Variants in GUCY2F observed in about 807,000 individuals in gnomAD.
GUCY2F encodes retinal guanylyl cyclase 2.
Under a neutral mutation model 73.1 loss-of-function variants are expected in GUCY2F, and 61 were observed. The ratio of observed to expected loss-of-function variants is 0.83; its 90% CI spans 0.68 to 1.03. GUCY2F has a LOEUF of 1.03. Among genes scored for constraint, GUCY2F ranks in the 50% least tolerant of loss-of-function variants. The pLI is 0.00. For synonymous variants in GUCY2F, 331 were observed against 307.8 expected, an observed-to-expected ratio of 1.08 and a Z score of -0.79; for missense variants, 912 against 854.3, an observed-to-expected ratio of 1.07 and a Z score of -0.84.
intron 9 of GUCY2F, among the ~76,000 whole-genome samples, chrX:109,405,310 AG>A (rs1930946724): frequency 8.9e-6 from 1 of 112,005 alleles, no homozygotes; most frequent in South Asian, 3.7e-4. Context: ...ATGAAGAAAG[AG>A]GGTTGAGTAA....
At chrX:109,386,461 G>A (rs1167760173) in intron 15 of GUCY2F, among the ~76,000 whole-genome samples, 1 of 111,650 alleles carries the variant, frequency 9.0e-6, no homozygotes. Flanking sequence ...AGCTCTTAGA[G>A]AGAACAGTCT....
intron 2 of GUCY2F, among the ~76,000 whole-genome samples, chrX:109,472,268 G>GA (rs780268734): frequency 0.026 from 2,359 of 89,760 alleles, 52 homozygotes; most frequent in African/African-American, 0.079. Context: ...AACAGATCAG[G>GA]AAAAAAAAAA....
At position 109,475,744 on chromosome X, in the gene GUCY2F, A is replaced by C; in HGVS notation, c.193T>G (p.Ser65Ala). The change falls in exon 2 of 20, where the codon TCG becomes GCG. Residue 65 changes from serine to alanine, a missense_variant. By Grantham distance (99) the Ser-to-Ala change is moderately conservative. Transcript: ENST00000218006. ...TCAGGCAGGGCCTTTGAAAACAGCG[A>C]ATCACAAGCCCAAGGGCCCACCACC... ...IGVVGPWACD[S>A]LFSKALPEVA... 8.3e-7 allele frequency: 1 copy of C among 1,211,157 alleles called. No individual in the cohort carries two copies. Among genetic ancestry groups the C allele is most frequent in the Non-Finnish European group, 1.1e-6 (1 of 894,946 alleles).
Position 109,376,087 on chromosome X carries a change from G to A in GUCY2F, c.3231C>T (p.Asp1077=), listed in dbSNP as rs1217284109. The change falls in exon 18 of 20, where the codon GAC becomes GAT. Residue 1077 remains aspartate, a synonymous_variant. Transcript: ENST00000218006. ...MKPLPVPPPV[D]KDGQVGHGLQ... Reference sequence around the variant, plus strand: ...ATGTGAACTCCACTTACCCATCTTTGTCCACTGGTGGGGGCACAGGAAGGG... The same window carrying A: ...ATGTGAACTCCACTTACCCATCTTTATCCACTGGTGGGGGCACAGGAAGGG... 84 of 1,194,341 alleles carry A rather than the reference G, an allele frequency of 7.0e-5. No homozygotes were observed. Among genetic ancestry groups the A allele is most frequent in the Non-Finnish European group, 9.5e-5 (84 of 880,645 alleles).
At chrX:109,402,360 A>C (rs1930861389) in intron 10 of GUCY2F, among the ~76,000 whole-genome samples, 1 of 107,241 alleles carries the variant, frequency 9.3e-6, no homozygotes, top group Admixed American at 9.8e-5. Context: ...TGGAACTCTG[A>C]GAAGCTAGGC....
chrX:109,376,477 A>C (rs1930184331), intron 17 of GUCY2F, among the ~76,000 whole-genome samples: 1 of 112,340 alleles, frequency 8.9e-6, no homozygotes, highest in East Asian at 2.8e-4. Flanking sequence ...GCATTAGGTA[A>C]GCCATTGTCT....
At chrX:109,435,738 C>A (rs929140898) in intron 7 of GUCY2F, among the ~76,000 whole-genome samples, 1 of 111,562 alleles carries the variant, frequency 9.0e-6, no homozygotes, top group Non-Finnish European at 1.9e-5. Flanking sequence ...AGTTTTTGCC[C>A]ATTCAGTATG....
intron 14 of GUCY2F, 76 bp downstream of exon 14, chrX:109,391,835 C>T: frequency 1.7e-6 from 1 of 578,641 alleles, no homozygotes; most frequent in Non-Finnish European, 2.6e-6. Flanking sequence ...TTTTATTCTT[C>T]AATTTTAGAA....
Position 109,376,156 on chromosome X carries a change from T to G in GUCY2F, c.3162A>C (p.Thr1054=). ...RGRTELKGKG[T]EETFWLIGKK... is the part of the protein sequence containing the mutation. ...TCCCAATCAGCCAGAAGGTTTCCTC[T>G]GTGCCTTTGCCCTTATTATAGAAAA... Residue 1054 remains threonine, a synonymous_variant, in exon 18 of 20, where the codon ACA becomes ACC. Coordinates refer to ENST00000218006, the MANE Select transcript of GUCY2F (RefSeq NM_001522.3). 1 of 1,185,895 alleles carries G rather than the reference T, an allele frequency of 8.4e-7. No homozygotes were observed. The highest frequency in any genetic ancestry group is 1.1e-6 in the Non-Finnish European group (1 of 871,905).
rs372779726 is a variant in GUCY2F, at chrX:109,430,303, A to G, written c.1791+4T>C. 2.2e-6 allele frequency: 2 copies of G among 930,016 alleles called. No individual in the cohort carries two copies. The highest frequency in any genetic ancestry group is 3.9e-5 in the African/African-American group (2 of 51,844). 76.6% of individuals were successfully genotyped at this position (930,016 alleles called of 1,213,427 possible). On this transcript the variant is annotated splice_donor_region_variant and intron_variant, in intron 8 of 19. Transcript: ENST00000218006. ...GAATTTACATAAACGAAGATTTCTCATACCATTTCGAACACATCACTTGCT... is the reference window on the plus strand; with the variant it reads ...GAATTTACATAAACGAAGATTTCTCGTACCATTTCGAACACATCACTTGCT...
At chrX:109,398,524 G>C in intron 11 of GUCY2F, 25 bp downstream of exon 11, 1 of 1,190,349 alleles carries the variant, frequency 8.4e-7, no homozygotes, top group Non-Finnish European at 1.1e-6. Flanking sequence ...GGACCCCTGG[G>C]GCCCTTTTCT....
At chrX:109,445,693 A>T (rs910858507) in intron 6 of GUCY2F, among the ~76,000 whole-genome samples, 15 of 111,688 alleles carry the variant, frequency 1.3e-4, no homozygotes, top group African/African-American at 4.6e-4. Flanking sequence ...AACTGGAAGC[A>T]TTCCCTTTGA....
chrX:109,396,870 T>C (rs1930723597), intron 11 of GUCY2F, among the ~76,000 whole-genome samples: 1 of 112,331 alleles, frequency 8.9e-6, no homozygotes, highest in Non-Finnish European at 1.9e-5. Context: ...TCCCTGAAAC[T>C]TGACTGCCTC....
intron 3 of GUCY2F, among the ~76,000 whole-genome samples, chrX:109,460,383 T>C (rs763034980): frequency 9.0e-6 from 1 of 111,025 alleles, no homozygotes; most frequent in Non-Finnish European, 1.9e-5. Flanking sequence ...CAAAGAGGAA[T>C]GGAAATAGGT....
intron 11 of GUCY2F, among the ~76,000 whole-genome samples, chrX:109,396,281 C>T (rs1247225853): frequency 1.8e-5 from 2 of 110,133 alleles, no homozygotes; most frequent in Non-Finnish European, 3.8e-5. Flanking sequence ...ACCCAACAGC[C>T]ATTAGTGACA....
In GUCY2F at chrX:109,395,408, T is replaced by A. The variant is rs965615642; in HGVS notation, c.2357A>T (p.Gln786Leu). The part of the protein sequence containing the change: ...PPEHAPPECL[Q>L]LMKQCWAEAA... ...CTCAGCCCAGCACTGCTTCATCAGC[T>A]GGAGACATTCTGGAGGGGCATGCTC... Residue 786 changes from glutamine to leucine, a missense_variant, in exon 12 of 20, where the codon CAG becomes CTG. By Grantham distance (113) the Gln-to-Leu change is moderately radical. Coordinates refer to ENST00000218006, the MANE Select transcript of GUCY2F (RefSeq NM_001522.3). The A allele has an allele frequency of 8.3e-7, 1 of 1,200,445 alleles. No homozygotes were observed. The highest frequency in any genetic ancestry group is 1.8e-5 in the African/African-American group (1 of 57,110).
At chrX:109,399,226 A>T (rs769692025) in intron 10 of GUCY2F, among the ~76,000 whole-genome samples, 1 of 112,966 alleles carries the variant, frequency 8.9e-6, no homozygotes, top group South Asian at 3.6e-4. Context: ...TCAGTTCTGC[A>T]AATATTTATT....
In GUCY2F at chrX:109,435,905, G is replaced by T. The variant is rs1236357012; in HGVS notation, c.1701+5446C>A. Among the ~76,000 whole-genome samples, 11 of 110,833 alleles carry T rather than the reference G, an allele frequency of 9.9e-5. No homozygotes were observed. In the Admixed American group the frequency reaches 1.1e-3, roughly 11 times the overall value. On this transcript the variant is annotated intron_variant, in intron 7 of 19. Coordinates refer to ENST00000218006, the MANE Select transcript of GUCY2F (RefSeq NM_001522.3). ...GATAATCATGTGGTTTTTGTCTTTGGTTCTGTTTATATGCTGGATTACATT... is the reference window on the plus strand; with the variant it reads ...GATAATCATGTGGTTTTTGTCTTTGTTTCTGTTTATATGCTGGATTACATT...
chrX:109,414,233 A>G (rs1452047222), intron 8 of GUCY2F, among the ~76,000 whole-genome samples: 2 of 111,873 alleles, frequency 1.8e-5, no homozygotes, highest in African/African-American at 6.5e-5. Context: ...CGGCCTCCCA[A>G]AGTGCTGGGA....
Sources: allele counts gnomAD v4.1 joint callset (sites outside exome capture counted in the v4.1 genomes callset), GRCh38; gene constraint gnomAD v4.1.1; transcripts MANE v1.5; gene names NCBI Gene and HGNC (gene_info 2026-07-23, HGNC 2026-07-21).